The following XKR6 variants were observed in gnomAD, a reference collection of about 807,000 sequenced individuals.
XKR6 encodes XK-related protein 6.
In XKR6, 22 loss-of-function variants were observed where a neutral mutation model predicts 56.7. That is an observed-to-expected ratio of 0.39 (90% CI 0.28 to 0.55). The LOEUF is 0.55. Among genes scored for constraint, XKR6 ranks in the 20% least tolerant of loss-of-function variants. The pLI, the probability that XKR6 is intolerant of heterozygous loss-of-function variation, is 0.66. For missense variants in XKR6, 852 were observed against 889.0 expected, an observed-to-expected ratio of 0.96 and a Z score of 0.53; for synonymous variants, 524 against 387.8, an observed-to-expected ratio of 1.35 and a Z score of -4.13.
intron 1 of XKR6, among the ~76,000 whole-genome samples, chr8:11,128,253 T>G (rs1799927485): frequency 6.6e-6 from 1 of 152,168 alleles, no homozygotes; most frequent in South Asian, 2.1e-4. Flanking sequence ...TGCTGGATTC[T>G]TCTCCTCTCC....
At chr8:11,084,321 A>T (rs1797815255) in intron 1 of XKR6, among the ~76,000 whole-genome samples, 1 of 152,230 alleles carries the variant, frequency 6.6e-6, no homozygotes. Context: ...GCCACATACG[A>T]TTTCAGCCAT....
chr8:11,126,420 C>T (rs1033390763), intron 1 of XKR6, among the ~76,000 whole-genome samples: 1 of 152,062 alleles, frequency 6.6e-6, no homozygotes, highest in African/African-American at 2.4e-5. Context: ...TCTTATGCTA[C>T]ATTTTATCTT....
At chr8:11,048,731 G>A (rs930706638) in intron 1 of XKR6, among the ~76,000 whole-genome samples, 2 of 152,166 alleles carry the variant, frequency 1.3e-5, no homozygotes, top group African/African-American at 4.8e-5. Flanking sequence ...CAGGGTTTGT[G>A]CTACCCCCTG....
intron 1 of XKR6, among the ~76,000 whole-genome samples, chr8:11,002,716 A>G (rs1023199148): frequency 1.3e-5 from 2 of 152,234 alleles, no homozygotes; most frequent in African/African-American, 4.8e-5. Flanking sequence ...AACGGCCCCA[A>G]GCATTGTCTT....
intron 1 of XKR6, among the ~76,000 whole-genome samples, chr8:11,018,199 C>A (rs1312001494): frequency 8.3e-6 from 1 of 120,776 alleles, no homozygotes; most frequent in Non-Finnish European, 1.7e-5. Context: ...CTCAGGGTGA[C>A]TCAGCCCCTG....
intron 1 of XKR6, among the ~76,000 whole-genome samples, chr8:11,006,300 G>T (rs914427966): frequency 6.6e-6 from 1 of 152,132 alleles, no homozygotes; most frequent in African/African-American, 2.4e-5. Context: ...TTCATTCAGC[G>T]CCTACTGTGG....
At chr8:11,104,812 T>A (rs1294747866) in intron 1 of XKR6, 1 of 152,212 alleles carries the variant, frequency 6.6e-6, no homozygotes, top group Non-Finnish European at 1.5e-5. Flanking sequence ...TGAAAAGTGA[T>A]CAGCAAGGTA....
At chr8:10,941,577 T>A (rs928490662) in intron 1 of XKR6, among the ~76,000 whole-genome samples, 1 of 152,136 alleles carries the variant, frequency 6.6e-6, no homozygotes, top group Non-Finnish European at 1.5e-5. Flanking sequence ...CTGCACTGGG[T>A]CCCCAGCCCC....
At chr8:10,924,970 G>A in intron 1 of XKR6, 140 bp from the exon 2 acceptor site, 3 of 860,362 alleles carry the variant, frequency 3.5e-6, no homozygotes, top group South Asian at 3.8e-5. Context: ...GCTTGGACGG[G>A]GCTCTGGGGG....
intron 1 of XKR6, among the ~76,000 whole-genome samples, chr8:11,095,071 T>C (rs572731220): frequency 1.3e-4 from 20 of 152,310 alleles, no homozygotes; most frequent in African/African-American, 3.8e-4. Context: ...AGTAGGCTGA[T>C]ACAAAGGCAA....
chr8:11,027,359 T>C (rs1395709272), intron 1 of XKR6, among the ~76,000 whole-genome samples: 2 of 152,192 alleles, frequency 1.3e-5, no homozygotes, highest in African/African-American at 4.8e-5. Context: ...ATTAATTTCA[T>C]CTTACTTCTT....
chr8:10,925,017 G>A (rs1373742441), intron 1 of XKR6, among the ~76,000 whole-genome samples, 187 bp from the exon 2 acceptor site: 1 of 152,144 alleles, frequency 6.6e-6, no homozygotes, highest in African/African-American at 2.4e-5. Context: ...AGGCATGGGG[G>A]AGGGGCGGGG....
chr8:10,989,236 C>G (rs1797933351), intron 1 of XKR6, among the ~76,000 whole-genome samples: 1 of 152,180 alleles, frequency 6.6e-6, no homozygotes, highest in African/African-American at 2.4e-5. Context: ...CTTGGATTAA[C>G]AGAAATGAGT....
Position 11,039,832 on chromosome 8 carries a change from C to A in XKR6, c.765-115002G>T, listed in dbSNP as rs192101793. 2.1e-3 allele frequency among the ~76,000 whole-genome samples: 326 copies of A among 152,362 alleles called. 1 individual carries two copies. The highest frequency in any genetic ancestry group is 5.4e-3 in the African/African-American group (225 of 41,586). On this transcript the variant is annotated intron_variant, in intron 1 of 2. Transcript: ENST00000416569. ...CCACCTGACAAGCACAGGGAAGCAG[C>A]CCGAGCACAGCTCTACGAACGCCGG...
chr8:10,975,563 C>A (rs1802530003), intron 1 of XKR6, among the ~76,000 whole-genome samples: 1 of 152,216 alleles, frequency 6.6e-6, no homozygotes, highest in Non-Finnish European at 1.5e-5. Context: ...TCTGCTGGGG[C>A]CCACGCCACT....
rs531150245 is a variant in XKR6 at position 11,178,872 on chromosome 8, G to C, written c.764+21704C>G. Among the ~76,000 whole-genome samples the C allele has an allele frequency of 4.2e-4, 63 of 151,406 alleles. No individual in the cohort carries two copies. In the Middle Eastern group the frequency reaches 0.017, roughly 42 times the overall value. On this transcript the variant is annotated intron_variant, in intron 1 of 2. Transcript: ENST00000416569. ...TTTTTTAGAGACAGGGTCTCACTCA[G>C]GCACCCAGGTTGGAGAGTAGAGTGC...
chr8:10,910,838 C>T (rs958332196), intron 2 of XKR6, among the ~76,000 whole-genome samples: 1 of 152,224 alleles, frequency 6.6e-6, no homozygotes, highest in African/African-American at 2.4e-5. Context: ...GATTCTAGAA[C>T]AAATGTCAGC....
At chr8:11,042,619 C>A (rs948801480) in intron 1 of XKR6, among the ~76,000 whole-genome samples, 4 of 152,218 alleles carry the variant, frequency 2.6e-5, no homozygotes, top group Admixed American at 6.5e-5. Context: ...GGTATTTCTT[C>A]ATGGCAATAT....
intron 1 of XKR6, among the ~76,000 whole-genome samples, chr8:11,018,957 C>A (rs1327528468): frequency 3.3e-5 from 5 of 152,148 alleles, no homozygotes; most frequent in African/African-American, 1.2e-4. Context: ...GGAGATGACC[C>A]TCTGCCTGGG....
Sources: allele counts gnomAD v4.1 joint callset (sites outside exome capture counted in the v4.1 genomes callset), GRCh38; gene constraint gnomAD v4.1.1; transcripts MANE v1.5; gene names NCBI Gene and HGNC (gene_info 2026-07-23, HGNC 2026-07-21).